The following MYBL1 variants were observed in gnomAD, a reference collection of about 807,000 sequenced individuals.
MYBL1 encodes the protein myb-related protein A.
MYBL1 carries 17 observed loss-of-function variants against 96.3 expected under a neutral mutation model. That is an observed-to-expected ratio of 0.18 (90% CI 0.12 to 0.26). MYBL1 has a LOEUF of 0.26. Ranked by LOEUF, MYBL1 falls within the 10% of genes least tolerant of loss-of-function variation. MYBL1 has a pLI of 1.00. For missense variants in MYBL1, 701 were observed against 882.9 expected, an observed-to-expected ratio of 0.79 and a Z score of 2.61; for synonymous variants, 282 against 292.7, an observed-to-expected ratio of 0.96 and a Z score of 0.37.
intron 1 of MYBL1, among the ~76,000 whole-genome samples, chr8:66,610,837 C>T (rs1000437946): frequency 6.6e-6 from 1 of 152,008 alleles, no homozygotes; most frequent in Non-Finnish European, 1.5e-5. Context: ...ATAATTTCTC[C>T]CCACATCCTC....
intron 8 of MYBL1, among the ~76,000 whole-genome samples, chr8:66,588,011 G>A (rs1809487682): frequency 6.6e-6 from 1 of 152,030 alleles, no homozygotes; most frequent in Non-Finnish European, 1.5e-5. Flanking sequence ...AATTCGATGT[G>A]TTTTATAAAT....
At chr8:66,607,714 AC>A (rs1307828682) in intron 1 of MYBL1, among the ~76,000 whole-genome samples, 18 of 151,558 alleles carry the variant, frequency 1.2e-4, no homozygotes, top group African/African-American at 1.7e-4. Flanking sequence ...AAAAAAAAAA[AC>A]ACCTCCAAGT....
At chr8:66,571,604 G>A (rs1239687368) in intron 12 of MYBL1, among the ~76,000 whole-genome samples, 1 of 152,186 alleles carries the variant, frequency 6.6e-6, no homozygotes, top group Non-Finnish European at 1.5e-5. Context: ...TGTTCCGACA[G>A]GGCGCAGTGG....
At chr8:66,592,397 T>A in intron 8 of MYBL1, 43 bp downstream of exon 8, 1 of 1,265,634 alleles carries the variant, frequency 7.9e-7, no homozygotes. Context: ...AAAAAGCATA[T>A]ATGAAAGATT....
At chr8:66,572,054 ATCCTAG>A (rs1180708630) in intron 12 of MYBL1, among the ~76,000 whole-genome samples, 1 of 148,094 alleles carries the variant, frequency 6.8e-6, no homozygotes, top group African/African-American at 2.5e-5. Context: ...CACGCTTGTA[ATCCTAG>A]CACTTTGGGA....
chr8:66,579,997 C>A, intron 9 of MYBL1, 136 bp downstream of exon 9: 1 of 617,940 alleles, frequency 1.6e-6, no homozygotes, highest in Non-Finnish European at 2.7e-6. Flanking sequence ...CCCCTAGAAG[C>A]CACTGCAAAA....
chr8:66,589,593 G>T (rs144272332), intron 8 of MYBL1, among the ~76,000 whole-genome samples: 2 of 151,958 alleles, frequency 1.3e-5, no homozygotes, highest in Non-Finnish European at 1.5e-5. Context: ...TGATCCTTCT[G>T]CCTCAGCCTC....
intron 12 of MYBL1, among the ~76,000 whole-genome samples, chr8:66,571,733 T>C (rs1485487438): frequency 6.6e-6 from 1 of 151,514 alleles, no homozygotes. Flanking sequence ...ATACAAAAAT[T>C]AGCTGGGCGT....
chr8:66,582,273 C>T (rs1042354821), intron 8 of MYBL1, among the ~76,000 whole-genome samples: 5 of 152,004 alleles, frequency 3.3e-5, no homozygotes, highest in Non-Finnish European at 7.4e-5. Flanking sequence ...CATGACCCAA[C>T]TATATGCTGC....
At chr8:66,568,411 C>T (rs1479322512) in intron 12 of MYBL1, among the ~76,000 whole-genome samples, 2 of 152,044 alleles carry the variant, frequency 1.3e-5, no homozygotes, top group Non-Finnish European at 2.9e-5. Flanking sequence ...CTCAGCCTCC[C>T]GAGTAGCTGG....
chr8:66,602,655 C>A, intron 1 of MYBL1, 132 bp from the exon 2 acceptor site: 1 of 257,666 alleles, frequency 3.9e-6, no homozygotes, highest in Admixed American at 6.8e-5. Flanking sequence ...TGAAATTATT[C>A]AAAGTACAAA....
intron 1 of MYBL1, among the ~76,000 whole-genome samples, chr8:66,606,791 T>G (rs969831552): frequency 1.2e-4 from 17 of 144,754 alleles, no homozygotes; most frequent in African/African-American, 4.8e-4. Context: ...ACATGGCTGT[T>G]TTTTTTTTTT....
intron 9 of MYBL1, among the ~76,000 whole-genome samples, chr8:66,577,038 T>G (rs1808983366): frequency 6.6e-6 from 1 of 152,108 alleles, no homozygotes. Context: ...CCCTTCATGC[T>G]AAAAACTCTC....
At chr8:66,593,078 C>A in intron 7 of MYBL1, 42 bp downstream of exon 7, 1 of 1,266,336 alleles carries the variant, frequency 7.9e-7, no homozygotes, top group Non-Finnish European at 1.1e-6. Flanking sequence ...AAAAATGTGA[C>A]TGAACACATT....
Position 66,599,104 on chromosome 8 carries a change from T to C in MYBL1, c.237A>G (p.Lys79=), listed in dbSNP as rs1809965165. The change falls in exon 4 of 16, where the codon AAA becomes AAG. Residue 79 remains lysine, a synonymous_variant. Transcript: ENST00000522677. ...SDFQCQHRWQ[K]VLNPELIKGP... ...CCTTTATCAATTCAGGATTTAAAAC[T>C]TTCTGCCATCGATGCTGGCACTGAA... 1.2e-6 allele frequency: 2 copies of C among 1,601,566 alleles called. No homozygotes were observed. Among genetic ancestry groups the C allele is most frequent in the East Asian group, 2.2e-5 (1 of 44,476 alleles).
chr8:66,567,526 A>AGTGTGTGTGTGTGT (rs111352513), intron 12 of MYBL1, among the ~76,000 whole-genome samples: 8 of 146,914 alleles, frequency 5.4e-5, no homozygotes, highest in African/African-American at 2.0e-4. Context: ...AGAGAGAGTG[A>AGTGTGTGTGTGTGT]GTGTGTGTGT....
chr8:66,569,246 G>A (rs953514916), intron 12 of MYBL1, among the ~76,000 whole-genome samples: 4 of 151,780 alleles, frequency 2.6e-5, no homozygotes, highest in Non-Finnish European at 5.9e-5. Context: ...TGAGGATAAT[G>A]GCTTCCAGCT....
chr8:66,608,528 T>C (rs1004503584), intron 1 of MYBL1, among the ~76,000 whole-genome samples: 1 of 152,114 alleles, frequency 6.6e-6, no homozygotes, highest in Non-Finnish European at 1.5e-5. Flanking sequence ...CATCACTAGC[T>C]ACAAAGAAAG....
intron 3 of MYBL1, 98 bp downstream of exon 3, chr8:66,601,600 T>C: frequency 1.5e-6 from 1 of 675,504 alleles, no homozygotes; most frequent in Non-Finnish European, 2.5e-6. Flanking sequence ...GAAGGAAACC[T>C]AAAATTAAAA....
Sources: allele counts gnomAD v4.1 joint callset (sites outside exome capture counted in the v4.1 genomes callset), GRCh38; gene constraint gnomAD v4.1.1; transcripts MANE v1.5; gene names NCBI Gene and HGNC (gene_info 2026-07-23, HGNC 2026-07-21).